CHRNA7: variants seen among roughly 807,000 people sequenced by gnomAD.
CHRNA7 encodes cholinergic receptor nicotinic alpha 7 subunit, also known as neuronal acetylcholine receptor subunit alpha-7.
In CHRNA7, 17 loss-of-function variants were observed where a neutral mutation model predicts 48.0. The ratio of observed to expected loss-of-function variants is 0.35; its 90% confidence interval spans 0.24 to 0.53. The LOEUF (loss-of-function observed/expected upper bound fraction) is 0.53, where lower values mean the gene tolerates loss of function less well. CHRNA7 is among the 20% of genes least tolerant of loss of function. The pLI is 0.92. For synonymous variants in CHRNA7, 75 were observed against 242.3 expected (o/e 0.31, Z 6.41); for missense variants, 155 against 577.7 (o/e 0.27, Z 7.50).
At chr15:32,129,948 C>T (rs1189396442) in intron 4 of CHRNA7, among the ~76,000 whole-genome samples, 2 of 151,962 alleles carry the variant, frequency 1.3e-5, no homozygotes, top group Non-Finnish European at 2.9e-5. Flanking sequence ...TTGAGACTTT[C>T]TCTTTGACTC....
intron 4 of CHRNA7, among the ~76,000 whole-genome samples, chr15:32,150,459 C>T (rs1410915878): frequency 6.6e-6 from 1 of 152,152 alleles, no homozygotes; most frequent in Non-Finnish European, 1.5e-5. Flanking sequence ...GAGGGACAGA[C>T]TTTAATTTTT....
chr15:32,094,688 T>C (rs2141250526), intron 2 of CHRNA7, among the ~76,000 whole-genome samples: 1 of 151,406 alleles, frequency 6.6e-6, no homozygotes, highest in African/African-American at 2.4e-5. Context: ...TGAGACAGAG[T>C]CTTACTCTGT....
At chr15:32,139,735 AAG>A (rs2051343483) in intron 4 of CHRNA7, among the ~76,000 whole-genome samples, 1 of 151,916 alleles carries the variant, frequency 6.6e-6, no homozygotes, top group Non-Finnish European at 1.5e-5. Context: ...GCTGAGTTTT[AAG>A]AGTTCTTTGT....
rs1019771077 is a variant in CHRNA7 at position 32,170,852 on chromosome 15, C to T, written c.*2394C>T. The stretch of plus-strand genomic sequence containing the variant: ...AGAGACCTTCCCTTTCCAGCACTAA[C>T]GCTCTGTGAAGGGCGCTGCACCTTG... On this transcript the variant is annotated 3_prime_UTR_variant, in exon 10 of 10. Coordinates refer to ENST00000306901, the MANE Select transcript of CHRNA7 (RefSeq NM_000746.6). 7.0e-5 allele frequency: 3 copies of T among 42,630 alleles called. No individual in the cohort carries two copies. The South Asian group carries it at 3.5e-3, about 49-fold the overall frequency. 2.6% of individuals were successfully genotyped at this position (42,630 alleles called of 1,614,324 possible). A position where few individuals can be genotyped will look rare whatever the true frequency, so the allele number is the denominator to read the frequency against.
At chr15:32,056,150 C>G (rs985585020) in intron 2 of CHRNA7, among the ~76,000 whole-genome samples, 2 of 152,032 alleles carry the variant, frequency 1.3e-5, no homozygotes, top group Non-Finnish European at 2.9e-5. Context: ...AACAGAAATT[C>G]TTAATTTTAG....
chr15:32,050,113 A>G (rs746318247), intron 2 of CHRNA7, among the ~76,000 whole-genome samples: 17 of 152,006 alleles, frequency 1.1e-4, no homozygotes, highest in Non-Finnish European at 1.9e-4. Context: ...TGAATCTGAC[A>G]ATTATGTGTC....
In CHRNA7 at chr15:32,030,753, C is replaced by T. The variant is rs570680704; in HGVS notation, c.55+104C>T. The T allele has an allele frequency of 5.7e-4, 860 of 1,514,510 alleles. 6 individuals are homozygous for T. The East Asian group carries it at 6.5e-3, about 11-fold the overall frequency. 93.8% of individuals were successfully genotyped at this position (1,514,510 alleles called of 1,614,324 possible). A position where few individuals can be genotyped will look rare whatever the true frequency, so the allele number is the denominator to read the frequency against. ...CTGGGCCAGGTTTGGGATCTCCCCG[C>T]CGCCGGGGAGGGGCAGCGGGGGCGC... On this transcript the variant is annotated intron_variant, in intron 1 of 9. Transcript: ENST00000306901.
intron 2 of CHRNA7, among the ~76,000 whole-genome samples, chr15:32,080,000 A>C (rs1376480712): frequency 2.0e-5 from 3 of 152,172 alleles, no homozygotes; most frequent in Non-Finnish European, 4.4e-5. Context: ...AAGACCACAC[A>C]TCTAAAACCA....
At chr15:32,147,377 T>C (rs1246426023) in intron 4 of CHRNA7, among the ~76,000 whole-genome samples, 2 of 152,142 alleles carry the variant, frequency 1.3e-5, no homozygotes. Context: ...AACATGCACA[T>C]GTATGTCCTG....
chr15:32,135,252 T>G (rs1221567882), intron 4 of CHRNA7, among the ~76,000 whole-genome samples: 1 of 152,192 alleles, frequency 6.6e-6, no homozygotes, highest in Non-Finnish European at 1.5e-5. Context: ...ATTAAAAGAT[T>G]ATTTTCAGAA....
intron 4 of CHRNA7, among the ~76,000 whole-genome samples, chr15:32,114,062 A>ATATG (rs1491493079): frequency 1.6e-4 from 1 of 6,386 alleles, no homozygotes; most frequent in African/African-American, 1.7e-4. Context: ...ATATATATAC[A>ATATG]TATATATATA....
At chr15:32,090,426 T>C (rs1029972264) in intron 2 of CHRNA7, among the ~76,000 whole-genome samples, 2 of 152,174 alleles carry the variant, frequency 1.3e-5, no homozygotes, top group African/African-American at 4.8e-5. Context: ...TGTGGCTGTC[T>C]GGGGGCTTCT....
chr15:32,129,858 T>A (rs951951814), intron 4 of CHRNA7, among the ~76,000 whole-genome samples: 1 of 152,092 alleles, frequency 6.6e-6, no homozygotes, highest in Non-Finnish European at 1.5e-5. Flanking sequence ...TACTATAAAT[T>A]TATTCTTAGC....
At chr15:32,123,401 A>G (rs939479495) in intron 4 of CHRNA7, among the ~76,000 whole-genome samples, 1 of 152,216 alleles carries the variant, frequency 6.6e-6, no homozygotes, top group African/African-American at 2.4e-5. Flanking sequence ...ATAAGGGACC[A>G]AAACCTGAAG....
intron 4 of CHRNA7, among the ~76,000 whole-genome samples, chr15:32,124,297 G>C (rs1461307507): frequency 2.0e-5 from 3 of 152,194 alleles, no homozygotes; most frequent in Non-Finnish European, 4.4e-5. Context: ...GGGACAAAAT[G>C]AATATTTTAT....
At chr15:32,152,998 G>A (rs544781828) in intron 4 of CHRNA7, among the ~76,000 whole-genome samples, 40 of 152,204 alleles carry the variant, frequency 2.6e-4, no homozygotes, top group African/African-American at 8.2e-4. Context: ...TGGTGCATCC[G>A]TCTAAAACTC....
At chr15:32,102,129 T>TGTTC (rs1566839497) in intron 3 of CHRNA7, 2 of 152,166 alleles carry the variant, frequency 1.3e-5, no homozygotes, top group African/African-American at 2.4e-5. Context: ...CTTTTTTGTT[T>TGTTC]GTTTGTTTGT....
chr15:32,071,058 A>G (rs2050050595), intron 2 of CHRNA7, among the ~76,000 whole-genome samples: 2 of 151,960 alleles, frequency 1.3e-5, no homozygotes. Flanking sequence ...TTTATTATCC[A>G]TTGAATTGCT....
rs565885662 is a variant in CHRNA7, at chr15:32,086,111, T to C, written c.196-15192T>C. On this transcript the variant is annotated intron_variant, in intron 2 of 9. Transcript: ENST00000306901. ...TTGGCCAGGCACGGTGGCTCACGCC[T>C]GTAATCCCAGCACTTTGGGAGGCTG... Among the ~76,000 whole-genome samples, 7 of 152,302 alleles carry C rather than the reference T, an allele frequency of 4.6e-5. No individual in the cohort carries two copies. The South Asian group carries it at 1.2e-3, about 27-fold the overall frequency.
Sources: gnomAD v4.1 joint callset for allele counts (sites outside exome capture counted in the v4.1 genomes callset) on GRCh38, gnomAD v4.1.1 for gene constraint, MANE v1.5 for transcripts, NCBI Gene and HGNC (gene_info 2026-07-23, HGNC 2026-07-21) for gene names.